Variants in TMEM114 observed in about 807,000 individuals in gnomAD.
TMEM114 encodes the protein transmembrane protein 114, also known as claudin-26.
TMEM114 carries 6 observed loss-of-function variants against 6.2 expected under a neutral mutation model. The observed-to-expected ratio is 0.97, with a 90% CI of 0.53 to 1.91. TMEM114 has a LOEUF of 1.91. TMEM114 is among the 40% of genes most tolerant of loss of function. The probability of loss-of-function intolerance (pLI) is 0.01; values close to 1 mark genes in which losing one functional copy is unlikely to be tolerated. For synonymous variants in TMEM114, 104 were observed against 73.0 expected (o/e 1.42, Z -2.16); for missense variants, 218 against 158.3 (o/e 1.38, Z -2.02).
the TMEM114 span, among the ~76,000 whole-genome samples, chr16:8,526,874 C>T: frequency 2.6e-4 from 40 of 152,198 alleles, 1 homozygote; most frequent in Non-Finnish European, 2.5e-4. Context: ...AACCCATGAA[C>T]ATTTTCCTGC....
chr16:8,539,111 T>A (rs1900444827), intron 2 of TMEM114, among the ~76,000 whole-genome samples: 2 of 152,094 alleles, frequency 1.3e-5, no homozygotes, highest in African/African-American at 4.8e-5. Flanking sequence ...CTTTTTTCAG[T>A]TTGGGTGTTC....
chr16:8,548,978 C>G (rs1037442909), intron 2 of TMEM114, among the ~76,000 whole-genome samples: 2 of 151,558 alleles, frequency 1.3e-5, no homozygotes, highest in African/African-American at 4.9e-5. Flanking sequence ...GTCAGGAGAT[C>G]AAGACCATCC....
chr16:8,585,107 G>A (rs1902279697), intron 2 of TMEM114, among the ~76,000 whole-genome samples: 1 of 152,102 alleles, frequency 6.6e-6, no homozygotes, highest in Admixed American at 6.6e-5. Flanking sequence ...CATGGCGGCA[G>A]GCAGGAGGGT....
At chr16:8,563,269 GTGAAT>G in intron 2 of TMEM114, among the ~76,000 whole-genome samples, 2 of 151,380 alleles carry the variant, frequency 1.3e-5, no homozygotes, top group Non-Finnish European at 2.9e-5. Context: ...GAATGAGTCA[GTGAAT>G]GAGTGAGGGA....
chr16:8,546,250 T>G (rs1026075728), intron 2 of TMEM114, among the ~76,000 whole-genome samples: 2 of 152,228 alleles, frequency 1.3e-5, no homozygotes, highest in African/African-American at 4.8e-5. Flanking sequence ...TTTATAGAAT[T>G]TCTTAACTCA....
chr16:8,580,452 A>C lies in TMEM114; in HGVS notation c.302-8228T>G, dbSNP rs183528145. ...CAGTGAGGCGAGATCACACCACTGCACTCCATCCTGGGCGACAGAGAGTGA... is the reference window on the plus strand; with the variant it reads ...CAGTGAGGCGAGATCACACCACTGCCCTCCATCCTGGGCGACAGAGAGTGA... On this transcript the variant is annotated intron_variant, in intron 2 of 3. Coordinates refer to ENST00000620492, the MANE Select transcript of TMEM114 (RefSeq NM_001146336.2). Among the ~76,000 whole-genome samples, 526 of 150,362 alleles carry C rather than the reference A, an allele frequency of 3.5e-3. 2 individuals carry two copies. Among genetic ancestry groups the C allele is most frequent in the Middle Eastern group, 0.014 (4 of 288 alleles).
chr16:8,537,304 C>T (rs1326861415), downstream of TMEM114, among the ~76,000 whole-genome samples: 1 of 152,118 alleles, frequency 6.6e-6, no homozygotes, highest in Non-Finnish European at 1.5e-5. Flanking sequence ...AAGTCAAGAC[C>T]AGCCTGGCCA....
At chr16:8,577,223 C>T (rs1901970496) in intron 2 of TMEM114, among the ~76,000 whole-genome samples, 1 of 152,240 alleles carries the variant, frequency 6.6e-6, no homozygotes, top group African/African-American at 2.4e-5. Context: ...CTCTACTCTG[C>T]AGATCTAATT....
At chr16:8,551,655 A>G (rs910729052) in intron 2 of TMEM114, among the ~76,000 whole-genome samples, 1 of 152,260 alleles carries the variant, frequency 6.6e-6, no homozygotes, top group Non-Finnish European at 1.5e-5. Context: ...AGGCAGGACA[A>G]AAATTCATCT....
At chr16:8,535,007 C>G (rs543048929), downstream of TMEM114, among the ~76,000 whole-genome samples, 1 of 152,300 alleles carries the variant, frequency 6.6e-6, no homozygotes, top group Non-Finnish European at 1.5e-5. Flanking sequence ...TTTCTCCTAA[C>G]GTCAAGACTC....
chr16:8,582,092 A>C (rs982060491), intron 2 of TMEM114, among the ~76,000 whole-genome samples: 3 of 152,184 alleles, frequency 2.0e-5, no homozygotes, highest in African/African-American at 7.2e-5. Flanking sequence ...ACCCAGAAAA[A>C]CTGGAAATCC....
intron 2 of TMEM114, among the ~76,000 whole-genome samples, chr16:8,562,532 G>GTGAGTGAGTGAATGAGTGAGTGAGTGAA (rs1377734140): frequency 1.6e-4 from 24 of 147,124 alleles, no homozygotes; most frequent in Non-Finnish European, 3.0e-4. Context: ...GAGTTAATGA[G>GTGAGTGAGTGAATGAGTGAGTGAGTGAA]TGAGTGAGTG....
At chr16:8,563,919 G>GAGTAAATGAGTGAGTGAACGAGTA (rs1901402239) in intron 2 of TMEM114, among the ~76,000 whole-genome samples, 1 of 148,058 alleles carries the variant, frequency 6.8e-6, no homozygotes, top group African/African-American at 2.5e-5. Flanking sequence ...GTGAGGGAAT[G>GAGTAAATGAGTGAGTGAACGAGTA]AGTAAATGAG....
At chr16:8,551,862 G>T (rs954931543) in intron 2 of TMEM114, among the ~76,000 whole-genome samples, 1 of 152,080 alleles carries the variant, frequency 6.6e-6, no homozygotes, top group African/African-American at 2.4e-5. Flanking sequence ...CTAGGTTATT[G>T]GATACACAAA....
At chr16:8,528,881 G>A in the TMEM114 span, among the ~76,000 whole-genome samples, 72 of 152,262 alleles carry the variant, frequency 4.7e-4, no homozygotes, top group African/African-American at 1.7e-3. Context: ...TCTTGGTAGG[G>A]GGGATATTTT....
At chr16:8,542,445 C>T (rs1900542604) in intron 2 of TMEM114, among the ~76,000 whole-genome samples, 1 of 152,186 alleles carries the variant, frequency 6.6e-6, no homozygotes, top group African/African-American at 2.4e-5. Context: ...GTCTGCTCCT[C>T]CAGCACCATC....
chr16:8,587,541 A>T (rs1395168283), intron 2 of TMEM114, among the ~76,000 whole-genome samples: 1 of 152,238 alleles, frequency 6.6e-6, no homozygotes, highest in East Asian at 1.9e-4. Flanking sequence ...TATTTGTGGC[A>T]GGAGGAAACT....
chr16:8,556,272 C>G (rs1015791754), intron 2 of TMEM114, among the ~76,000 whole-genome samples: 2 of 152,172 alleles, frequency 1.3e-5, no homozygotes, highest in African/African-American at 4.8e-5. Context: ...CCCCGCTGCT[C>G]CAGCCCATCA....
intron 2 of TMEM114, among the ~76,000 whole-genome samples, chr16:8,541,851 T>A (rs919622803): frequency 1.3e-5 from 2 of 152,056 alleles, no homozygotes; most frequent in African/African-American, 2.4e-5. Context: ...GGCCCAAGAG[T>A]TCAGGCTGGT....
Sources: allele counts gnomAD v4.1 joint callset (sites outside exome capture counted in the v4.1 genomes callset), GRCh38; gene constraint gnomAD v4.1.1; transcripts MANE v1.5; gene names NCBI Gene and HGNC (gene_info 2026-07-23, HGNC 2026-07-21).